The following IL1RAPL1 variants were observed in gnomAD, a reference collection of about 807,000 sequenced individuals.
IL1RAPL1 encodes interleukin-1 receptor accessory protein-like 1.
In IL1RAPL1, 3 loss-of-function variants were observed where a neutral mutation model predicts 48.4. The ratio of observed to expected loss-of-function variants is 0.06; its 90% CI spans 0.03 to 0.16. The LOEUF is 0.16. Ranked by LOEUF, IL1RAPL1 falls within the 10% of genes least tolerant of loss-of-function variation. The pLI is 1.00. For synonymous variants in IL1RAPL1, 185 were observed against 187.7 expected (o/e 0.99, Z 0.12); for missense variants, 349 against 530.6 (o/e 0.66, Z 3.36).
At chrX:29,797,542 C>T (rs908640142) in intron 6 of IL1RAPL1, among the ~76,000 whole-genome samples, 1 of 111,933 alleles carries the variant, frequency 8.9e-6, no homozygotes, top group African/African-American at 3.2e-5. Context: ...CATTCAATGA[C>T]AAGGATGCCC....
chrX:29,041,438 G>A (rs1415666599), intron 2 of IL1RAPL1, among the ~76,000 whole-genome samples: 1 of 111,920 alleles, frequency 8.9e-6, no homozygotes, highest in African/African-American at 3.2e-5. Flanking sequence ...TGCCTCTAAG[G>A]AGCTTATAGT....
At chrX:28,883,284 C>T (rs1922549958) in intron 2 of IL1RAPL1, among the ~76,000 whole-genome samples, 1 of 111,389 alleles carries the variant, frequency 9.0e-6, no homozygotes, top group Non-Finnish European at 1.9e-5. Flanking sequence ...AATAAAAATA[C>T]TGGCTTTTGT....
intron 2 of IL1RAPL1, among the ~76,000 whole-genome samples, chrX:29,281,861 G>A (rs748227333): frequency 1.8e-5 from 2 of 112,180 alleles, no homozygotes; most frequent in South Asian, 3.7e-4. Context: ...TTAAACAAAA[G>A]ATATTTCTTT....
chrX:29,261,809 G>A (rs1170587228), intron 2 of IL1RAPL1, among the ~76,000 whole-genome samples: 1 of 110,609 alleles, frequency 9.0e-6, no homozygotes, highest in Admixed American at 9.8e-5. Context: ...TTTGCACAGA[G>A]GCCTTCCTAG....
chrX:28,734,644 C>T (rs778059941), intron 1 of IL1RAPL1, among the ~76,000 whole-genome samples: 1 of 110,261 alleles, frequency 9.1e-6, no homozygotes. Flanking sequence ...ATTTCTCCTA[C>T]CCTCCTCTAG....
At chrX:29,153,249 C>A (rs1022334976) in intron 2 of IL1RAPL1, among the ~76,000 whole-genome samples, 1 of 111,564 alleles carries the variant, frequency 9.0e-6, no homozygotes, top group African/African-American at 3.3e-5. Context: ...ATCTGGATAA[C>A]CCTGGCTTAT....
At chrX:29,906,502 TATATATATATATATATA>T (rs1932632556) in intron 6 of IL1RAPL1, among the ~76,000 whole-genome samples, 2 of 52,857 alleles carry the variant, frequency 3.8e-5, no homozygotes, top group Non-Finnish European at 3.5e-5. Context: ...TATATATATA[TATATATATATATATATA>T]TATTTCTGTA....
At chrX:28,705,007 T>C (rs1007695584) in intron 1 of IL1RAPL1, among the ~76,000 whole-genome samples, 2 of 110,834 alleles carry the variant, frequency 1.8e-5, no homozygotes, top group African/African-American at 6.6e-5. Context: ...ATGTGTGATA[T>C]GGTTTGATTT....
chrX:28,737,325 C>T (rs941513308), intron 1 of IL1RAPL1, among the ~76,000 whole-genome samples: 1 of 104,989 alleles, frequency 9.5e-6, no homozygotes, highest in East Asian at 3.0e-4. Flanking sequence ...GGTGCGATCT[C>T]GGCTCACTGC....
intron 3 of IL1RAPL1, among the ~76,000 whole-genome samples, chrX:29,322,717 G>A (rs111628034): frequency 4.5e-5 from 5 of 111,413 alleles, no homozygotes; most frequent in African/African-American, 1.6e-4. Context: ...TGCATCTTTG[G>A]CTCAAGTATG....
At chrX:28,681,070 T>G (rs1002038604) in intron 1 of IL1RAPL1, among the ~76,000 whole-genome samples, 2 of 111,874 alleles carry the variant, frequency 1.8e-5, no homozygotes, top group Non-Finnish European at 3.8e-5. Flanking sequence ...GGAAGGTTTT[T>G]GATTACTGAT....
At chrX:28,718,949 A>C (rs1935536399) in intron 1 of IL1RAPL1, among the ~76,000 whole-genome samples, 1 of 111,767 alleles carries the variant, frequency 8.9e-6, no homozygotes, top group African/African-American at 3.2e-5. Flanking sequence ...TGAAATAAAG[A>C]TGAGTATTTG....
At chrX:29,760,154 T>C (rs1326031459) in intron 6 of IL1RAPL1, among the ~76,000 whole-genome samples, 1 of 111,625 alleles carries the variant, frequency 9.0e-6, no homozygotes, top group African/African-American at 3.3e-5. Context: ...GGGGAGTGGA[T>C]AGGCTTCCCA....
chrX:29,089,743 AATATGAATATATATATAT>A (rs1345131133), intron 2 of IL1RAPL1, among the ~76,000 whole-genome samples: 2 of 13,119 alleles, frequency 1.5e-4, no homozygotes, highest in Non-Finnish European at 2.6e-4. Flanking sequence ...AAAGCAGAGA[AATATGAATATATATATAT>A]ATATATATAT....
intron 5 of IL1RAPL1, among the ~76,000 whole-genome samples, chrX:29,617,664 G>C (rs181892131): frequency 8.9e-6 from 1 of 112,105 alleles, no homozygotes; most frequent in East Asian, 2.8e-4. Context: ...TGTCTGCAAT[G>C]GACAATCCTG....
intron 6 of IL1RAPL1, among the ~76,000 whole-genome samples, chrX:29,914,261 G>T (rs1411520730): frequency 8.9e-6 from 1 of 111,976 alleles, no homozygotes; most frequent in Non-Finnish European, 1.9e-5. Context: ...TAAAAGAAAA[G>T]AAATGAATTA....
chrX:29,843,125 G>A (rs1303222278), intron 6 of IL1RAPL1, among the ~76,000 whole-genome samples: 5 of 111,809 alleles, frequency 4.5e-5, no homozygotes, highest in African/African-American at 1.6e-4. Flanking sequence ...CCTCTATTTC[G>A]ATAAATATTA....
intron 3 of IL1RAPL1, among the ~76,000 whole-genome samples, chrX:29,380,868 A>G (rs1440061605): frequency 8.9e-6 from 1 of 111,831 alleles, no homozygotes; most frequent in African/African-American, 3.3e-5. Context: ...TATTACAATC[A>G]GGAATAGACT....
At chrX:28,918,348 A>T (rs764097655) in intron 2 of IL1RAPL1, among the ~76,000 whole-genome samples, 76 of 112,540 alleles carry the variant, frequency 6.8e-4, no homozygotes, top group Non-Finnish European at 9.4e-4. Flanking sequence ...TAGTAATGAC[A>T]GTGACCCAAC....
Sources: allele counts gnomAD v4.1 joint callset (sites outside exome capture counted in the v4.1 genomes callset), GRCh38; gene constraint gnomAD v4.1.1; transcripts MANE v1.5; gene names NCBI Gene and HGNC (gene_info 2026-07-23, HGNC 2026-07-21).